Variants in ZC3H6 observed in about 807,000 individuals in gnomAD.
ZC3H6 encodes the protein zinc finger CCCH-type containing 6.
ZC3H6 carries 40 observed loss-of-function variants against 107.7 expected under a neutral mutation model. The observed-to-expected ratio is 0.37, with a 90% CI of 0.29 to 0.48. The LOEUF is 0.48. Ranked by LOEUF, ZC3H6 falls within the 20% of genes least tolerant of loss-of-function variation. ZC3H6 has a pLI of 0.98. For missense variants in ZC3H6, 1,267 were observed against 1,410.4 expected, an observed-to-expected ratio of 0.90 and a Z score of 1.63; for synonymous variants, 493 against 487.9, an observed-to-expected ratio of 1.01 and a Z score of -0.14.
intron 1 of ZC3H6, among the ~76,000 whole-genome samples, chr2:112,283,189 G>A (rs1200920059): frequency 6.6e-6 from 1 of 152,072 alleles, no homozygotes; most frequent in Non-Finnish European, 1.5e-5. Context: ...GGTGGTATTT[G>A]ACTGCTGCTG....
chr2:112,314,722 G>A (rs188639299), intron 5 of ZC3H6, among the ~76,000 whole-genome samples: 79 of 152,160 alleles, frequency 5.2e-4, no homozygotes, highest in African/African-American at 1.9e-3. Flanking sequence ...ATGTGAGCTG[G>A]TCATTTATAT....
rs1326607459 is a variant in ZC3H6 at position 112,324,475 on chromosome 2, G to A, written c.1664G>A (p.Gly555Asp). 2 of 1,613,816 alleles carry A rather than the reference G, an allele frequency of 1.2e-6. No individual in the cohort carries two copies. Among genetic ancestry groups the A allele is most frequent in the Non-Finnish European group, 1.7e-6 (2 of 1,179,820 alleles). Residue 555 changes from glycine to aspartate, a missense_variant, in exon 10 of 12, where the codon GGC becomes GAC. Coordinates refer to ENST00000409871, the MANE Select transcript of ZC3H6 (RefSeq NM_198581.3). Reference sequence around the variant, plus strand: ...ATGGGTGGGGCTTACCACTCCCCAGGCTTTCCAGGACATGTGATGAAAGTA... The same window carrying A: ...ATGGGTGGGGCTTACCACTCCCCAGACTTTCCAGGACATGTGATGAAAGTA... ...PSMGGAYHSPGFPGHVMKVPR... is the reference protein window; with the variant it reads ...PSMGGAYHSPDFPGHVMKVPR...
At chr2:112,296,315 C>T (rs1401231168) in intron 1 of ZC3H6, among the ~76,000 whole-genome samples, 1 of 151,990 alleles carries the variant, frequency 6.6e-6, no homozygotes, top group Non-Finnish European at 1.5e-5. Context: ...TGGCTTCTTT[C>T]ACTCCTCATT....
At chr2:112,289,731 GT>G (rs1409392977) in intron 1 of ZC3H6, among the ~76,000 whole-genome samples, 1 of 138,344 alleles carries the variant, frequency 7.2e-6, no homozygotes, top group Non-Finnish European at 1.5e-5. Flanking sequence ...TATTTTTACC[GT>G]TTTTTGTTTG....
Position 112,322,698 on chromosome 2 carries a change from A to C in ZC3H6, c.1136A>C (p.Glu379Ala), listed in dbSNP as rs1676826617. Reference sequence around the variant, plus strand: ...ATAAATGAAGATGAAAGAGAATTAGAGGAACTTAGAAAGCGTGGCATAACT... The same window carrying C: ...ATAAATGAAGATGAAAGAGAATTAGCGGAACTTAGAAAGCGTGGCATAACT... ...ELINEDEREL[E>A]ELRKRGITPL... Residue 379 changes from glutamate to alanine, a missense_variant, in exon 9 of 12, where the codon GAG (glutamate) becomes GCG (alanine). This residue lies in a region of ZC3H6 where 925 missense variants were observed against 1,025.7 expected (regional missense o/e 0.90). Coordinates refer to ENST00000409871, the MANE Select transcript of ZC3H6 (RefSeq NM_198581.3). 1 of 1,612,472 alleles carries C rather than the reference A, an allele frequency of 6.2e-7. No individual in the cohort carries two copies. Among genetic ancestry groups the C allele is most frequent in the Admixed American group, 1.7e-5 (1 of 59,620 alleles).
chr2:112,330,451 C>T (rs1166582831), intron 11 of ZC3H6, among the ~76,000 whole-genome samples: 3 of 152,288 alleles, frequency 2.0e-5, no homozygotes, highest in Middle Eastern at 3.4e-3. Context: ...AGTCTCTACC[C>T]CATTCCTCAT....
chr2:112,288,918 C>T (rs1390365944), intron 1 of ZC3H6, among the ~76,000 whole-genome samples: 4 of 152,292 alleles, frequency 2.6e-5, no homozygotes, highest in Admixed American at 6.5e-5. Flanking sequence ...TATTGGTGCT[C>T]AGCCCTTTTT....
At chr2:112,289,766 A>G (rs1030341325) in intron 1 of ZC3H6, among the ~76,000 whole-genome samples, 3 of 135,322 alleles carry the variant, frequency 2.2e-5, no homozygotes, top group Non-Finnish European at 4.7e-5. Context: ...TGTTTTTGAG[A>G]CAGGGTCTCT....
rs746704809 is a variant in ZC3H6, at chr2:112,311,836, G to A, written c.646G>A (p.Gly216Ser). ...IEQRVKSFNV[G>S]RGRGLPKKIK... Reference sequence around the variant, plus strand: ...ACAGAGAGTTAAAAGTTTTAATGTTGGTCGTGGACGTGGCTTGCCGAAGAA... The same window carrying A: ...ACAGAGAGTTAAAAGTTTTAATGTTAGTCGTGGACGTGGCTTGCCGAAGAA... The change falls in exon 5 of 12, where the codon GGT (glycine) becomes AGT (serine). Residue 216 changes from glycine (G) to serine (S), a missense_variant. Gly to Ser is a moderately conservative substitution (Grantham distance 56, BLOSUM62 0). Coordinates refer to ENST00000409871, the MANE Select transcript of ZC3H6 (RefSeq NM_198581.3). 1 of 1,612,982 alleles carries A rather than the reference G, an allele frequency of 6.2e-7. No individual in the cohort carries two copies. The highest frequency in any genetic ancestry group is 8.5e-7 in the Non-Finnish European group (1 of 1,179,366).
rs1676699537 is a variant in ZC3H6, at chr2:112,316,535, A to G, written c.813A>G (p.Glu271=). ...AATTTATTAATCAGCACACAGTGGA[A>G]CACAAAGGAAAACAAATCTGTAAAT... ...TQEFINQHTV[E]HKGKQICKYF... The change falls in exon 6 of 12, where the codon GAA becomes GAG. Residue 271 remains glutamate (E), a synonymous_variant. Transcript: ENST00000409871. The G allele has an allele frequency of 6.2e-7, 1 of 1,611,090 alleles. No homozygotes were observed. The highest frequency in any genetic ancestry group is 8.5e-7 in the Non-Finnish European group (1 of 1,178,816).
intron 8 of ZC3H6, among the ~76,000 whole-genome samples, chr2:112,322,315 C>G (rs1432788094): frequency 6.6e-6 from 1 of 151,796 alleles, no homozygotes; most frequent in Non-Finnish European, 1.5e-5. Context: ...ACACCCTGCT[C>G]CTTGCCAACC....
At chr2:112,299,673 T>C (rs1676330551) in intron 1 of ZC3H6, among the ~76,000 whole-genome samples, 176 bp from the exon 2 acceptor site, 1 of 152,188 alleles carries the variant, frequency 6.6e-6, no homozygotes, top group Non-Finnish European at 1.5e-5. Flanking sequence ...ACAGAAACCA[T>C]ATATGGCCTG....
intron 1 of ZC3H6, among the ~76,000 whole-genome samples, chr2:112,291,331 T>C (rs916186955): frequency 6.6e-6 from 1 of 152,196 alleles, no homozygotes; most frequent in Admixed American, 6.5e-5. Context: ...TCTCCTGGGC[T>C]CAAGCAATTC....
chr2:112,338,890 TATATATATATATATATATATATA>T lies in ZC3H6; in HGVS notation c.*6405_*6427del, dbSNP rs1677190938. The T allele has an allele frequency of 3.3e-5, 1 of 30,542 alleles. No homozygotes were observed. The highest frequency in any genetic ancestry group is 4.8e-5 in the Non-Finnish European group (1 of 20,776). The allele number at this position is 30,542 out of a possible 1,614,324, so 1.9% of individuals were successfully genotyped here. A position where few individuals can be genotyped will look rare whatever the true frequency, so the allele number is the denominator to read the frequency against. ...ATATATATATATATATATATATATATATATATATATATATATATATATAATTTTTTTTTTTTGAGACGGAGTCT... is the reference window on the plus strand; with the variant it reads ...ATATATATATATATATATATATATATATTTTTTTTTTTTGAGACGGAGTCT... On this transcript the variant is annotated 3_prime_UTR_variant, in exon 12 of 12. Coordinates refer to ENST00000409871, the MANE Select transcript of ZC3H6 (RefSeq NM_198581.3).
chr2:112,317,756 C>T (rs1466224933), intron 7 of ZC3H6, among the ~76,000 whole-genome samples: 2 of 152,138 alleles, frequency 1.3e-5, no homozygotes, highest in Non-Finnish European at 2.9e-5. Flanking sequence ...CCCACTCTCC[C>T]TTGGGAAATA....
At chr2:112,327,381 C>T (rs1001931263) in intron 11 of ZC3H6, among the ~76,000 whole-genome samples, 23 of 152,090 alleles carry the variant, frequency 1.5e-4, no homozygotes, top group Non-Finnish European at 2.6e-4. Flanking sequence ...TGATTTTTTC[C>T]TATAGAGTTG....
intron 1 of ZC3H6, among the ~76,000 whole-genome samples, chr2:112,282,603 C>T (rs1686547549): frequency 6.6e-6 from 1 of 152,156 alleles, no homozygotes; most frequent in Non-Finnish European, 1.5e-5. Context: ...CTCAAAGTAA[C>T]CTGACTCCAG....
chr2:112,312,698 A>G (rs1017742331), intron 5 of ZC3H6, among the ~76,000 whole-genome samples: 1 of 152,000 alleles, frequency 6.6e-6, no homozygotes, highest in Non-Finnish European at 1.5e-5. Context: ...CCATCTCTAC[A>G]AAAATACAAG....
Position 112,275,904 on chromosome 2 carries a change from T to TCCCGCAGGCGGCGCGGGGGGTCTTC in ZC3H6, c.-85_-61dup. ...CTGTCGGCGGCGGCCGGGAGCAGGTTCCCGCAGGCGGCGCGGGGGGTCTTC... is the reference window on the plus strand; with the variant it reads ...CTGTCGGCGGCGGCCGGGAGCAGGTTCCCGCAGGCGGCGCGGGGGGTCTTCCCCGCAGGCGGCGCGGGGGGTCTTC... On this transcript the variant is annotated 5_prime_UTR_variant, in exon 1 of 12. Coordinates refer to ENST00000409871, the MANE Select transcript of ZC3H6 (RefSeq NM_198581.3). The TCCCGCAGGCGGCGCGGGGGGTCTTC allele has an allele frequency of 3.4e-6, 4 of 1,183,864 alleles. No individual in the cohort carries two copies. Among genetic ancestry groups the TCCCGCAGGCGGCGCGGGGGGTCTTC allele is most frequent in the Non-Finnish European group, 4.6e-6 (4 of 863,552 alleles). The allele number at this position is 1,183,864 out of a possible 1,614,324, so 73.3% of individuals were successfully genotyped here.
Sources: allele counts gnomAD v4.1 joint callset (sites outside exome capture counted in the v4.1 genomes callset), GRCh38; gene constraint gnomAD v4.1.1; regional missense constraint gnomAD v4.1.1; transcripts MANE v1.5; gene names NCBI Gene and HGNC (gene_info 2026-07-23, HGNC 2026-07-21).